Variants in AMOTL1 observed in about 807,000 individuals in gnomAD.
AMOTL1 encodes the protein angiomotin-like protein 1.
AMOTL1 carries 45 observed loss-of-function variants against 102.9 expected under a neutral mutation model. The ratio of observed to expected loss-of-function variants is 0.44; its 90% CI spans 0.34 to 0.56. AMOTL1 has a LOEUF of 0.56. Ranked by LOEUF, AMOTL1 falls within the 20% of genes least tolerant of loss-of-function variation. AMOTL1 has a pLI of 0.01. For synonymous variants in AMOTL1, 481 were observed against 484.7 expected (o/e 0.99, Z 0.10); for missense variants, 1,114 against 1,225.6 (o/e 0.91, Z 1.36).
intron 3 of AMOTL1, among the ~76,000 whole-genome samples, chr11:94,814,195 A>G (rs1951728083): frequency 1.3e-5 from 2 of 152,236 alleles, no homozygotes; most frequent in South Asian, 2.1e-4. Flanking sequence ...GGCTGAAATC[A>G]GGTGATAGTG....
At chr11:94,778,905 T>C (rs1013951858) in intron 1 of AMOTL1, among the ~76,000 whole-genome samples, 6 of 152,302 alleles carry the variant, frequency 3.9e-5, no homozygotes, top group African/African-American at 9.6e-5. Context: ...GTTAGAATCT[T>C]ATATGGTGGC....
intron 3 of AMOTL1, among the ~76,000 whole-genome samples, chr11:94,741,344 A>G (rs752065073): frequency 3.3e-5 from 5 of 152,180 alleles, no homozygotes; most frequent in Non-Finnish European, 7.3e-5. Flanking sequence ...ACCTGCGCTC[A>G]TCTTGCCGGG....
intron 3 of AMOTL1, among the ~76,000 whole-genome samples, chr11:94,801,146 GGA>G (rs1951470949): frequency 6.6e-6 from 1 of 152,304 alleles, no homozygotes; most frequent in South Asian, 2.1e-4. Context: ...TGGAGGGGCT[GGA>G]GAGAGCTTCC....
chr11:94,816,176 C>A (rs1255418393), intron 3 of AMOTL1, among the ~76,000 whole-genome samples: 1 of 152,124 alleles, frequency 6.6e-6, no homozygotes, highest in Non-Finnish European at 1.5e-5. Context: ...AGCTTCCTCT[C>A]CCCTTTTAAA....
chr11:94,873,493 A>G lies in AMOTL1; in HGVS notation c.*2698A>G, dbSNP rs1298463588. ...GAAAAATAATGCAACTATATTTTCT[A>G]GTGTCAACTGTATGCAAACAGTGTG... On this transcript the variant is annotated 3_prime_UTR_variant, in exon 13 of 13. Transcript: ENST00000433060. 3 of 152,230 alleles carry G rather than the reference A, an allele frequency of 2.0e-5. No homozygotes were observed. Among genetic ancestry groups the G allele is most frequent in the East Asian group, 1.9e-4 (1 of 5,200 alleles). 9.4% of individuals were successfully genotyped at this position (152,230 alleles called of 1,614,324 possible). A position where few individuals can be genotyped will look rare whatever the true frequency, so the allele number is the denominator to read the frequency against.
chr11:94,803,074 G>C (rs1951506215), intron 3 of AMOTL1, among the ~76,000 whole-genome samples: 1 of 152,204 alleles, frequency 6.6e-6, no homozygotes, highest in Admixed American at 6.5e-5. Context: ...TCCCTGGCTG[G>C]TGCCCATACT....
intron 1 of AMOTL1, among the ~76,000 whole-genome samples, chr11:94,786,730 A>G (rs1951195527): frequency 6.6e-6 from 1 of 152,172 alleles, no homozygotes; most frequent in Non-Finnish European, 1.5e-5. Context: ...TTTCCCCGCA[A>G]CAGCTTTTAC....
chr11:94,721,172 T>C (rs1950169597), intron 1 of AMOTL1, among the ~76,000 whole-genome samples: 1 of 152,104 alleles, frequency 6.6e-6, no homozygotes. Context: ...GTACCATGTG[T>C]AGCTATTGAG....
intron 6 of AMOTL1, among the ~76,000 whole-genome samples, chr11:94,833,510 T>C (rs1432469556): frequency 6.6e-6 from 1 of 152,264 alleles, no homozygotes; most frequent in African/African-American, 2.4e-5. Flanking sequence ...GAAGACACTT[T>C]TAAGTGACCA....
chr11:94,798,992 G>C (rs1015882517), intron 2 of AMOTL1, among the ~76,000 whole-genome samples: 2 of 151,980 alleles, frequency 1.3e-5, no homozygotes, highest in Non-Finnish European at 2.9e-5. Context: ...TGAGATACAG[G>C]GTGGTAGTTA....
chr11:94,727,249 A>C (rs181462187), intron 1 of AMOTL1, among the ~76,000 whole-genome samples: 1 of 152,290 alleles, frequency 6.6e-6, no homozygotes, highest in East Asian at 1.9e-4. Context: ...ACCTGTTGTA[A>C]ATAAGTGTTG....
At chr11:94,742,556 C>G (rs1246867600) in intron 3 of AMOTL1, among the ~76,000 whole-genome samples, 1 of 152,130 alleles carries the variant, frequency 6.6e-6, no homozygotes, top group Admixed American at 6.5e-5. Context: ...TGGACTGCCC[C>G]CATGAGGCAC....
At chr11:94,771,536 T>G (rs535520251) in intron 1 of AMOTL1, among the ~76,000 whole-genome samples, 1 of 152,292 alleles carries the variant, frequency 6.6e-6, no homozygotes, top group Non-Finnish European at 1.5e-5. Flanking sequence ...GCCTAGTGAT[T>G]TTTTTAAAGT....
At chr11:94,787,251 A>G (rs1487053815) in intron 1 of AMOTL1, among the ~76,000 whole-genome samples, 1 of 152,126 alleles carries the variant, frequency 6.6e-6, no homozygotes, top group African/African-American at 2.4e-5. Context: ...AGTATGTGCC[A>G]AAGTAAAAGT....
At chr11:94,842,428 T>G (rs1952324163) in intron 6 of AMOTL1, among the ~76,000 whole-genome samples, 2 of 152,062 alleles carry the variant, frequency 1.3e-5, no homozygotes, top group African/African-American at 4.8e-5. Context: ...AAAAAGTGGG[T>G]TGGGGGAGAA....
chr11:94,838,600 G>A (rs924079783), intron 6 of AMOTL1, among the ~76,000 whole-genome samples: 4 of 152,164 alleles, frequency 2.6e-5, no homozygotes, highest in Admixed American at 2.0e-4. Flanking sequence ...GCTGACCTCG[G>A]TTCCAGGAAC....
chr11:94,766,804 C>T (rs1440179847), upstream of AMOTL1, among the ~76,000 whole-genome samples: 3 of 152,240 alleles, frequency 2.0e-5, no homozygotes, highest in Non-Finnish European at 4.4e-5. Context: ...GCCTGAGCTT[C>T]TTCATCCGGC....
chr11:94,869,300 G>C lies in AMOTL1; in HGVS notation c.2591G>C (p.Ser864Thr). ...LSSIASTTAA[S>T]SAHAKTGSKD... ...TCCATAGCCTCCACTACGGCAGCCAGCAGTGCCCACGCCAAGACAGGCAGC... is the reference window on the plus strand; with the variant it reads ...TCCATAGCCTCCACTACGGCAGCCACCAGTGCCCACGCCAAGACAGGCAGC... Residue 864 changes from serine to threonine, a missense_variant, in exon 12 of 13, where the codon AGC (serine) becomes ACC (threonine). Ser to Thr is a moderately conservative substitution (Grantham distance 58). Transcript: ENST00000433060. 6.2e-7 allele frequency: 1 copy of C among 1,613,018 alleles called. No homozygotes were observed. Among genetic ancestry groups the C allele is most frequent in the Non-Finnish European group, 8.5e-7 (1 of 1,179,550 alleles).
intron 3 of AMOTL1, among the ~76,000 whole-genome samples, chr11:94,760,632 T>C (rs1950780533): frequency 6.6e-6 from 1 of 152,216 alleles, no homozygotes; most frequent in South Asian, 2.1e-4. Flanking sequence ...CCTTTCATCC[T>C]CTCTAAATGA....
Sources: gnomAD v4.1 joint callset for allele counts (sites outside exome capture counted in the v4.1 genomes callset) on GRCh38, gnomAD v4.1.1 for gene constraint, MANE v1.5 for transcripts, NCBI Gene and HGNC (gene_info 2026-07-23, HGNC 2026-07-21) for gene names.